The following RGS7 variants were observed in gnomAD, a reference collection of about 807,000 sequenced individuals.
The protein encoded by RGS7 is regulator of G-protein signaling 7.
In RGS7, 27 loss-of-function variants were observed where a neutral mutation model predicts 81.1. The observed-to-expected ratio is 0.33, with a 90% CI of 0.25 to 0.46. RGS7 has a LOEUF of 0.46. Ranked by LOEUF, RGS7 falls within the 20% of genes least tolerant of loss-of-function variation. The probability of loss-of-function intolerance (pLI) is 1.00; values close to 1 mark genes in which losing one functional copy is unlikely to be tolerated. For missense variants in RGS7, 396 were observed against 607.4 expected, an observed-to-expected ratio of 0.65 and a Z score of 3.66; for synonymous variants, 208 against 207.7, an observed-to-expected ratio of 1.00 and a Z score of -0.01.
intron 9 of RGS7, among the ~76,000 whole-genome samples, chr1:240,852,884 A>G (rs1674746): frequency 0.81 from 123,683 of 152,146 alleles, 50,808 homozygotes; most frequent in African/African-American, 0.93. Flanking sequence ...CACTTTTCTG[A>G]ACAGTGAAAC....
In RGS7 at chr1:240,998,450, T is replaced by C. The variant is rs1572187106; in HGVS notation, c.176-15321A>G. 3 of 872,674 alleles carry C rather than the reference T, an allele frequency of 3.4e-6. No individual in the cohort carries two copies. The East Asian group carries it at 7.5e-5, about 22-fold the overall frequency. 54.1% of individuals were successfully genotyped at this position (872,674 alleles called of 1,614,324 possible). A position where few individuals can be genotyped will look rare whatever the true frequency, so the allele number is the denominator to read the frequency against. ...TGAACACATTATAAAAGAGGTTTCG[T>C]CAAAAAGACCAAAGCCCATGTCACC... On this transcript the variant is annotated intron_variant, in intron 3 of 18. Coordinates refer to ENST00000440928, the MANE Select transcript of RGS7 (RefSeq NM_001364886.1).
chr1:240,800,434 C>G (rs1687845136), intron 18 of RGS7, among the ~76,000 whole-genome samples: 1 of 152,106 alleles, frequency 6.6e-6, no homozygotes, highest in African/African-American at 2.4e-5. Context: ...GTAACATTCC[C>G]CACCACAAGG....
intron 14 of RGS7, among the ~76,000 whole-genome samples, chr1:240,811,334 T>C (rs1689811779): frequency 6.6e-6 from 1 of 152,240 alleles, no homozygotes; most frequent in Non-Finnish European, 1.5e-5. Flanking sequence ...GTTAGCAAGT[T>C]TTAAAAATAT....
At chr1:241,301,635 A>T in intron 2 of RGS7, among the ~76,000 whole-genome samples, 1 of 152,262 alleles carries the variant, frequency 6.6e-6, no homozygotes, top group East Asian at 1.9e-4. Context: ...CCTCATTAAA[A>T]ATTGTGAATT....
chr1:241,030,493 T>TACAC lies in RGS7; in HGVS notation c.176-47368_176-47365dup, dbSNP rs10649050. The stretch of plus-strand genomic sequence containing the variant: ...TATATGCATGGTATGTATATAGATG[T>TACAC]ACACACACACACACACACACACACA... On this transcript the variant is annotated intron_variant, in intron 3 of 18. Transcript: ENST00000440928. 9.6e-3 allele frequency among the ~76,000 whole-genome samples: 1,352 copies of TACAC among 140,520 alleles called. 29 individuals are homozygous for TACAC. Among genetic ancestry groups the TACAC allele is most frequent in the African/African-American group, 0.032 (1,212 of 37,954 alleles). 92.2% of individuals were successfully genotyped at this position (140,520 alleles called of 152,430 possible).
At chr1:240,905,939 G>A (rs75744684) in intron 6 of RGS7, among the ~76,000 whole-genome samples, 3,153 of 152,228 alleles carry the variant, frequency 0.021, 42 homozygotes, top group Non-Finnish European at 0.033. Flanking sequence ...TGTCAGTTAC[G>A]ATGTGAAATT....
chr1:241,243,613 A>G (rs2076370021), intron 2 of RGS7, among the ~76,000 whole-genome samples: 1 of 152,188 alleles, frequency 6.6e-6, no homozygotes, highest in Admixed American at 6.5e-5. Flanking sequence ...CTTTTACTTG[A>G]GCAACTAAAT....
chr1:241,348,253 A>G (rs140487037), intron 2 of RGS7, among the ~76,000 whole-genome samples: 144 of 152,380 alleles, frequency 9.5e-4, no homozygotes, highest in African/African-American at 3.4e-3. Flanking sequence ...GCCATAGAGC[A>G]TCAAATCCAG....
In RGS7 at chr1:240,868,813, A is replaced by G; in HGVS notation, c.490T>C (p.Trp164Arg). 1.2e-6 allele frequency: 2 copies of G among 1,613,822 alleles called. No homozygotes were observed. The highest frequency in any genetic ancestry group is 1.7e-6 in the Non-Finnish European group (2 of 1,179,978). Residue 164 changes from tryptophan to arginine, a missense_variant, in exon 8 of 19, where the codon TGG becomes CGG. Trp to Arg is a moderately radical substitution (Grantham distance 101). Coordinates refer to ENST00000440928, the MANE Select transcript of RGS7 (RefSeq NM_001364886.1). The surrounding 1 kb of genome is among the most constrained non-coding windows in gnomAD (Gnocchi z 5.1). ...ARLQRAFARK[W>R]EFIFMQAEAQ... ...TCTGCTTGCATGAAAATGAACTCCC[A>G]CTTCCGGGCAAATGCTCTCTGCAGC...
rs529087119 is a variant in RGS7, at chr1:241,282,941, C to T, written c.78+72758G>A. On this transcript the variant is annotated intron_variant, in intron 2 of 18. Coordinates refer to ENST00000440928, the MANE Select transcript of RGS7 (RefSeq NM_001364886.1). ...ATCTGCTTATCATTATATTTGAAGT[C>T]GGTTCTTTATAGAAGTAATACTGTT... Among the ~76,000 whole-genome samples the T allele has an allele frequency of 6.6e-5, 10 of 152,186 alleles. No individual in the cohort carries two copies. The South Asian group carries it at 8.3e-4, about 13-fold the overall frequency.
chr1:241,176,822 T>C (rs561984328), intron 2 of RGS7, among the ~76,000 whole-genome samples: 1 of 152,238 alleles, frequency 6.6e-6, no homozygotes, highest in South Asian at 2.1e-4. Context: ...GCTCCTCTGA[T>C]AGCCTCCTGT....
intron 3 of RGS7, among the ~76,000 whole-genome samples, chr1:241,005,405 C>CTTTCA (rs2058634359): frequency 6.6e-6 from 1 of 152,134 alleles, no homozygotes; most frequent in African/African-American, 2.4e-5. Context: ...CCCTCCTGAT[C>CTTTCA]TTTCACACCA....
chr1:241,226,073 C>A (rs544312935), intron 2 of RGS7, among the ~76,000 whole-genome samples: 2 of 152,044 alleles, frequency 1.3e-5, no homozygotes, highest in African/African-American at 4.8e-5. Flanking sequence ...GTAGCTAGAT[C>A]GTAAACCAAG....
At chr1:241,177,345 TCAAGG>T (rs1057433372) in intron 2 of RGS7, among the ~76,000 whole-genome samples, 2 of 151,876 alleles carry the variant, frequency 1.3e-5, no homozygotes, top group African/African-American at 4.8e-5. Context: ...TATAAAAGCC[TCAAGG>T]CAGGGAATGT....
At chr1:241,274,212 C>T (rs1008415216) in intron 2 of RGS7, among the ~76,000 whole-genome samples, 1 of 152,214 alleles carries the variant, frequency 6.6e-6, no homozygotes, top group African/African-American at 2.4e-5. Flanking sequence ...AAAGTTCCCA[C>T]CACATCTTTG....
intron 2 of RGS7, among the ~76,000 whole-genome samples, chr1:241,267,738 A>G (rs2148325416): frequency 6.6e-6 from 1 of 152,214 alleles, no homozygotes; most frequent in East Asian, 1.9e-4. Flanking sequence ...GTATTTTTTT[A>G]GCACACATAT....
At chr1:241,347,376 T>C (rs2082965565) in intron 2 of RGS7, among the ~76,000 whole-genome samples, 1 of 152,184 alleles carries the variant, frequency 6.6e-6, no homozygotes, top group Admixed American at 6.5e-5. Flanking sequence ...CTCGCGGTCC[T>C]TTGACCCTTC....
chr1:241,334,395 A>T (rs1325859990), intron 2 of RGS7, among the ~76,000 whole-genome samples: 1 of 152,096 alleles, frequency 6.6e-6, no homozygotes, highest in Non-Finnish European at 1.5e-5. Flanking sequence ...CGGTCCTGGG[A>T]TTGGCTGGGT....
chr1:241,122,117 G>A (rs953211831), intron 2 of RGS7, among the ~76,000 whole-genome samples: 5 of 152,270 alleles, frequency 3.3e-5, no homozygotes, highest in Admixed American at 3.3e-4. Flanking sequence ...GCTATCTTCA[G>A]TGACATTGTT....
Sources: gnomAD v4.1 joint callset for allele counts (sites outside exome capture counted in the v4.1 genomes callset) on GRCh38, gnomAD v4.1.1 for gene constraint, Gnocchi (gnomAD v3.1) non-coding constraint, MANE v1.5 for transcripts, NCBI Gene and HGNC (gene_info 2026-07-23, HGNC 2026-07-21) for gene names.